The following ZCWPW2 variants were observed in gnomAD, a reference collection of about 807,000 sequenced individuals.
ZCWPW2 encodes zinc finger CW-type and PWWP domain containing 2.
A neutral mutation model predicts 46.6 loss-of-function variants in ZCWPW2; 45 were observed. That is an observed-to-expected ratio of 0.96 (90% CI 0.76 to 1.24). The LOEUF is 1.24. Ranked by LOEUF, ZCWPW2 falls within the 50% of genes most tolerant of loss-of-function variation. The pLI, the probability that ZCWPW2 is intolerant of heterozygous loss-of-function variation, is 0.00. For missense variants in ZCWPW2, 429 were observed against 403.9 expected (o/e 1.06, Z -0.53); for synonymous variants, 152 against 137.1 (o/e 1.11, Z -0.76).
chr3:28,371,993 C>T (rs1705350016), intron 1 of ZCWPW2, among the ~76,000 whole-genome samples: 2 of 150,646 alleles, frequency 1.3e-5, no homozygotes, highest in African/African-American at 4.9e-5. Context: ...CCTCCTCCTG[C>T]TCCTCCTCTT....
intron 1 of ZCWPW2, among the ~76,000 whole-genome samples, chr3:28,385,316 C>A (rs1695232157): frequency 6.6e-6 from 1 of 152,160 alleles, no homozygotes; most frequent in Non-Finnish European, 1.5e-5. Context: ...TTTTAAAGGC[C>A]ATATGAGAAG....
intron 4 of ZCWPW2, among the ~76,000 whole-genome samples, chr3:28,465,442 A>G (rs1246306754): frequency 2.0e-5 from 3 of 152,208 alleles, no homozygotes; most frequent in Non-Finnish European, 1.5e-5. Context: ...AATGATTTCA[A>G]ACAAACTTGT....
rs1559527381 is a variant in ZCWPW2, at chr3:28,491,572, G to A, written c.611-555G>A. On this transcript the variant is annotated intron_variant, in intron 5 of 9. Coordinates refer to ENST00000383768, the MANE Select transcript of ZCWPW2 (RefSeq NM_001040432.4). ...CAGCTCAGTGGTCCCAAATGGAGAC[G>A]GCAGACATTCTGGAAAAATTAGAGG... Among the ~76,000 whole-genome samples the A allele has an allele frequency of 2.0e-5, 3 of 151,974 alleles. No homozygotes were observed. The South Asian group carries it at 6.2e-4, about 32-fold the overall frequency.
chr3:28,464,183 C>A (rs2125790770), intron 4 of ZCWPW2, among the ~76,000 whole-genome samples: 2 of 151,858 alleles, frequency 1.3e-5, no homozygotes, highest in Middle Eastern at 3.4e-3. Flanking sequence ...GGAGCTTGAG[C>A]AATACAGTAT....
chr3:28,408,231 T>A (rs1696243072), intron 2 of ZCWPW2, among the ~76,000 whole-genome samples: 1 of 152,150 alleles, frequency 6.6e-6, no homozygotes, highest in African/African-American at 2.4e-5. Context: ...CATTTAAAAG[T>A]AATCTTTTAA....
intron 4 of ZCWPW2, among the ~76,000 whole-genome samples, chr3:28,442,457 G>A (rs1208583163): frequency 6.6e-6 from 1 of 152,158 alleles, no homozygotes; most frequent in Non-Finnish European, 1.5e-5. Context: ...CAATATAATG[G>A]ACCAGTGTGA....
intron 1 of ZCWPW2, among the ~76,000 whole-genome samples, chr3:28,368,422 T>C (rs150333651): frequency 1.9e-3 from 292 of 152,296 alleles, no homozygotes; most frequent in African/African-American, 6.6e-3. Context: ...TTATGAAGCT[T>C]AGTTTGGCTG....
chr3:28,457,262 C>T (rs1181443903), intron 4 of ZCWPW2, among the ~76,000 whole-genome samples: 1 of 152,092 alleles, frequency 6.6e-6, no homozygotes, highest in African/African-American at 2.4e-5. Context: ...CATATTTAAC[C>T]ATCTTCTTTA....
intron 1 of ZCWPW2, among the ~76,000 whole-genome samples, chr3:28,379,445 T>C (rs527986361): frequency 1.3e-5 from 2 of 152,266 alleles, no homozygotes; most frequent in African/African-American, 4.8e-5. Context: ...CAGCAAAAAA[T>C]GCCCTTAAGA....
At chr3:28,463,106 T>C (rs1698702350) in intron 4 of ZCWPW2, among the ~76,000 whole-genome samples, 1 of 152,214 alleles carries the variant, frequency 6.6e-6, no homozygotes, top group African/African-American at 2.4e-5. Context: ...CCATGCTTAT[T>C]CATTTATCAA....
At chr3:28,500,990 C>T (rs1270299912) in intron 6 of ZCWPW2, among the ~76,000 whole-genome samples, 1 of 151,492 alleles carries the variant, frequency 6.6e-6, no homozygotes, top group Non-Finnish European at 1.5e-5. Context: ...CAGTGTTCCC[C>T]AGACTTGAAT....
intron 1 of ZCWPW2, among the ~76,000 whole-genome samples, chr3:28,356,395 C>T (rs749409072): frequency 5.3e-4 from 81 of 152,214 alleles, no homozygotes; most frequent in Non-Finnish European, 1.0e-3. Flanking sequence ...AACACTTTTA[C>T]ACTGTTGGTG....
chr3:28,511,422 T>C (rs568034258), intron 6 of ZCWPW2, among the ~76,000 whole-genome samples: 8 of 152,292 alleles, frequency 5.3e-5, no homozygotes, highest in African/African-American at 1.9e-4. Context: ...TAATAATAAA[T>C]GTGCTGAATA....
chr3:28,364,231 G>A (rs937341458), intron 1 of ZCWPW2, among the ~76,000 whole-genome samples: 1 of 152,136 alleles, frequency 6.6e-6, no homozygotes, highest in African/African-American at 2.4e-5. Flanking sequence ...TATCTATTAT[G>A]TATGACCCAG....
chr3:28,476,900 C>T (rs1474782133), intron 4 of ZCWPW2, among the ~76,000 whole-genome samples: 1 of 152,094 alleles, frequency 6.6e-6, no homozygotes, highest in Non-Finnish European at 1.5e-5. Context: ...CTATGAGAGT[C>T]TAATGCCACA....
intron 3 of ZCWPW2, among the ~76,000 whole-genome samples, chr3:28,430,761 G>C (rs537347518): frequency 2.0e-5 from 3 of 152,264 alleles, no homozygotes; most frequent in South Asian, 4.1e-4. Flanking sequence ...GTTCTCATGA[G>C]ATTTGATGGT....
chr3:28,374,780 A>T (rs966592325), intron 1 of ZCWPW2, among the ~76,000 whole-genome samples: 6 of 151,976 alleles, frequency 3.9e-5, no homozygotes, highest in African/African-American at 1.4e-4. Context: ...CAGATTGTTC[A>T]CCGTTGGCAT....
chr3:28,399,250 C>A (rs1325311278), intron 2 of ZCWPW2, among the ~76,000 whole-genome samples: 1 of 152,024 alleles, frequency 6.6e-6, no homozygotes, highest in African/African-American at 2.4e-5. Flanking sequence ...GGGAACCTTA[C>A]CCCCATCCTC....
At chr3:28,515,743 GTGTA>G (rs1196702214) in intron 8 of ZCWPW2, 122 bp downstream of exon 8, 2 of 724,108 alleles carry the variant, frequency 2.8e-6, no homozygotes, top group Non-Finnish European at 4.4e-6. Context: ...GTGTGTGTGT[GTGTA>G]TACACATATA....
Sources: allele counts gnomAD v4.1 joint callset (sites outside exome capture counted in the v4.1 genomes callset), GRCh38; gene constraint gnomAD v4.1.1; transcripts MANE v1.5; gene names NCBI Gene and HGNC (gene_info 2026-07-23, HGNC 2026-07-21).